LRMDA: variants seen among roughly 807,000 people sequenced by gnomAD.
LRMDA encodes the protein leucine-rich melanocyte differentiation-associated protein.
LRMDA carries 18 observed loss-of-function variants against 29.8 expected under a neutral mutation model. That is an observed-to-expected ratio of 0.60 (90% CI 0.42 to 0.90). The LOEUF is 0.90. Ranked by LOEUF, LRMDA falls within the 40% of genes least tolerant of loss-of-function variation. LRMDA has a pLI of 0.00. For synonymous variants in LRMDA, 125 were observed against 109.4 expected, an observed-to-expected ratio of 1.14 and a Z score of -0.89; for missense variants, 273 against 273.9, an observed-to-expected ratio of 1.00 and a Z score of 0.02.
chr10:76,471,938 T>C lies in LRMDA; in HGVS notation c.602-85271T>C, dbSNP rs553005072. On this transcript the variant is annotated intron_variant, in intron 6 of 6. Coordinates refer to ENST00000611255, the MANE Select transcript of LRMDA (RefSeq NM_001305581.2). The stretch of plus-strand genomic sequence containing the variant: ...GCCCCAAAATACACGAAGGAAAAAC[T>C]GACAGACCAGAAGGGAAAAATAAGC... 1.4e-4 allele frequency among the ~76,000 whole-genome samples: 22 copies of C among 151,828 alleles called. No individual in the cohort carries two copies. In the South Asian group the frequency reaches 1.7e-3, roughly 11 times the overall value.
intron 6 of LRMDA, among the ~76,000 whole-genome samples, chr10:76,550,273 G>A (rs1384870401): frequency 6.6e-6 from 1 of 152,162 alleles, no homozygotes; most frequent in African/African-American, 2.4e-5. Context: ...TTACATGTTT[G>A]TATTTATAAA....
intron 2 of LRMDA, among the ~76,000 whole-genome samples, chr10:75,460,969 CT>C (rs1441723568): frequency 6.6e-6 from 1 of 152,088 alleles, no homozygotes; most frequent in Non-Finnish European, 1.5e-5. Flanking sequence ...AGTGAAATTA[CT>C]GAATTAAAGA....
chr10:76,269,123 A>C (rs1840038270), intron 5 of LRMDA, among the ~76,000 whole-genome samples: 1 of 152,102 alleles, frequency 6.6e-6, no homozygotes, highest in Admixed American at 6.6e-5. Flanking sequence ...TTCATGGGCC[A>C]GTAGCATCCG....
At chr10:76,016,346 ATT>A (rs58759646) in intron 2 of LRMDA, among the ~76,000 whole-genome samples, 1 of 143,172 alleles carries the variant, frequency 7.0e-6, no homozygotes, top group Non-Finnish European at 1.5e-5. Context: ...AAATACTCTG[ATT>A]TTTTTTTTTT....
At chr10:75,955,278 A>G (rs1303386230) in intron 2 of LRMDA, among the ~76,000 whole-genome samples, 1 of 152,186 alleles carries the variant, frequency 6.6e-6, no homozygotes, top group Non-Finnish European at 1.5e-5. Flanking sequence ...AAGAGAAAGG[A>G]CTGAATGCTT....
chr10:75,671,646 G>T (rs556063187), intron 2 of LRMDA, among the ~76,000 whole-genome samples: 1 of 152,112 alleles, frequency 6.6e-6, no homozygotes. Context: ...TGGGGTGGGG[G>T]AGCTCAGGGA....
chr10:76,421,862 T>A (rs1023576941), intron 6 of LRMDA, among the ~76,000 whole-genome samples: 2 of 152,190 alleles, frequency 1.3e-5, no homozygotes, highest in Non-Finnish European at 2.9e-5. Context: ...ATTTCATACT[T>A]GACACTGAGT....
At chr10:76,035,971 T>C (rs1355106673) in intron 2 of LRMDA, 37 bp from the exon 3 acceptor site, 4 of 1,610,058 alleles carry the variant, frequency 2.5e-6, no homozygotes, top group Admixed American at 3.4e-5. Context: ...CCTGATTTAG[T>C]GCAGGATCAT....
At chr10:76,416,094 A>C (rs1011816737) in intron 6 of LRMDA, among the ~76,000 whole-genome samples, 4 of 152,224 alleles carry the variant, frequency 2.6e-5, no homozygotes, top group Non-Finnish European at 5.9e-5. Flanking sequence ...ACTGAGACTT[A>C]GGAAGAAGCA....
intron 5 of LRMDA, among the ~76,000 whole-genome samples, chr10:76,278,677 T>G (rs1840166034): frequency 6.6e-6 from 1 of 152,210 alleles, no homozygotes; most frequent in Non-Finnish European, 1.5e-5. Context: ...TAATAAAACA[T>G]TTTCTTTTAT....
rs575520305 is a variant in LRMDA at position 76,018,456 on chromosome 10, G to A, written c.132-17552G>A. 1.2e-4 allele frequency among the ~76,000 whole-genome samples: 19 copies of A among 152,268 alleles called. No homozygotes were observed. In the South Asian group the frequency reaches 3.9e-3, roughly 32 times the overall value. On this transcript the variant is annotated intron_variant, in intron 2 of 6. Coordinates refer to ENST00000611255, the MANE Select transcript of LRMDA (RefSeq NM_001305581.2). Reference sequence around the variant, plus strand: ...CTCTGGGGGATTTTGCAGTGGTCTCGGGAAAATGCACAGACATGTCGTATT... The same window carrying A: ...CTCTGGGGGATTTTGCAGTGGTCTCAGGAAAATGCACAGACATGTCGTATT...
intron 2 of LRMDA, among the ~76,000 whole-genome samples, chr10:75,524,485 A>T (rs944033806): frequency 1.3e-5 from 2 of 152,142 alleles, no homozygotes; most frequent in Non-Finnish European, 2.9e-5. Context: ...TCTTGGTGTG[A>T]GAGAATATTT....
chr10:76,364,402 G>A (rs1017452387), intron 6 of LRMDA, among the ~76,000 whole-genome samples: 3 of 152,166 alleles, frequency 2.0e-5, no homozygotes, highest in South Asian at 2.1e-4. Context: ...CTATATGGAC[G>A]TTAGGGATTA....
At chr10:75,544,241 G>A (rs1238175386) in intron 2 of LRMDA, among the ~76,000 whole-genome samples, 1 of 152,162 alleles carries the variant, frequency 6.6e-6, no homozygotes, top group Non-Finnish European at 1.5e-5. Context: ...AGATTTGGCT[G>A]TGTTTATTTA....
At chr10:76,540,037 A>T (rs1225344037) in intron 6 of LRMDA, among the ~76,000 whole-genome samples, 5 of 152,146 alleles carry the variant, frequency 3.3e-5, no homozygotes, top group African/African-American at 4.8e-5. Context: ...CACATACAAG[A>T]TACACACACG....
chr10:75,811,406 T>C (rs573782103), intron 2 of LRMDA, among the ~76,000 whole-genome samples: 1 of 152,226 alleles, frequency 6.6e-6, no homozygotes, highest in Admixed American at 6.5e-5. Context: ...GTGAATTTTA[T>C]AGGATTTTGA....
intron 2 of LRMDA, among the ~76,000 whole-genome samples, chr10:75,789,413 T>C (rs11001498): frequency 0.043 from 6,496 of 152,062 alleles, 411 homozygotes; most frequent in East Asian, 0.33. Flanking sequence ...ACATGTAGGG[T>C]CGATATGAGT....
chr10:75,454,738 C>G (rs1047803268), intron 2 of LRMDA, among the ~76,000 whole-genome samples: 3 of 152,118 alleles, frequency 2.0e-5, no homozygotes, highest in African/African-American at 7.2e-5. Context: ...GAGAGCTAAC[C>G]ATTCTTCCAG....
chr10:76,323,082 C>A (rs1208627668), intron 5 of LRMDA, among the ~76,000 whole-genome samples: 2 of 151,762 alleles, frequency 1.3e-5, no homozygotes, highest in African/African-American at 2.4e-5. Context: ...TTTTTGTGGA[C>A]CCAATAGCCT....
Sources: gnomAD v4.1 joint callset for allele counts (sites outside exome capture counted in the v4.1 genomes callset) on GRCh38, gnomAD v4.1.1 for gene constraint, MANE v1.5 for transcripts, NCBI Gene and HGNC (gene_info 2026-07-23, HGNC 2026-07-21) for gene names.